Variants in SCHIP1 observed in about 807,000 individuals in gnomAD.
SCHIP1 encodes schwannomin interacting protein 1.
SCHIP1 carries 8 observed loss-of-function variants against 29.7 expected under a neutral mutation model. The ratio of observed to expected loss-of-function variants is 0.27; its 90% CI spans 0.16 to 0.49. The LOEUF is 0.49. Ranked by LOEUF, SCHIP1 falls within the 20% of genes least tolerant of loss-of-function variation. The pLI is 0.99. For synonymous variants in SCHIP1, 76 were observed against 94.9 expected (o/e 0.80, Z 1.16); for missense variants, 193 against 294.6 (o/e 0.66, Z 2.52).
chr3:159,748,707 A>G, the SCHIP1 span, among the ~76,000 whole-genome samples: 1 of 152,358 alleles, frequency 6.6e-6, no homozygotes, highest in East Asian at 1.9e-4. Context: ...TAATAGACTC[A>G]TTTCAAGTAT....
the SCHIP1 span, among the ~76,000 whole-genome samples, chr3:159,423,220 C>G: frequency 6.6e-6 from 1 of 152,216 alleles, no homozygotes; most frequent in Non-Finnish European, 1.5e-5. Flanking sequence ...TCAGTGGGTG[C>G]AGCGCACCAT....
chr3:159,593,003 C>T, the SCHIP1 span, among the ~76,000 whole-genome samples: 2 of 152,076 alleles, frequency 1.3e-5, no homozygotes, highest in Admixed American at 6.6e-5. Flanking sequence ...GAGGGAGGTC[C>T]AAATTCTATC....
chr3:159,800,787 C>T, the SCHIP1 span, among the ~76,000 whole-genome samples: 1 of 151,918 alleles, frequency 6.6e-6, no homozygotes, highest in African/African-American at 2.4e-5. Flanking sequence ...GCCTTTAATA[C>T]AATCCAGGCA....
chr3:159,604,701 A>G, the SCHIP1 span, among the ~76,000 whole-genome samples: 1 of 152,216 alleles, frequency 6.6e-6, no homozygotes, highest in African/African-American at 2.4e-5. Context: ...TCTAAACACA[A>G]TTTAAAGGTA....
At chr3:159,506,246 C>T in the SCHIP1 span, among the ~76,000 whole-genome samples, 2 of 152,114 alleles carry the variant, frequency 1.3e-5, no homozygotes, top group Middle Eastern at 3.2e-3. Flanking sequence ...TTTCATGTGT[C>T]TTTTGGCTGC....
chr3:159,532,253 A>C, the SCHIP1 span, among the ~76,000 whole-genome samples: 1 of 152,204 alleles, frequency 6.6e-6, no homozygotes, highest in Admixed American at 6.5e-5. Context: ...ATTGACATAA[A>C]TATAAAAATG....
At chr3:159,656,493 C>G in the SCHIP1 span, among the ~76,000 whole-genome samples, 1 of 152,104 alleles carries the variant, frequency 6.6e-6, no homozygotes, top group African/African-American at 2.4e-5. Context: ...TGGCAACTGA[C>G]TAATCTATTG....
the SCHIP1 span, among the ~76,000 whole-genome samples, chr3:159,627,580 CTAAGT>C: frequency 6.6e-6 from 1 of 151,270 alleles, no homozygotes; most frequent in African/African-American, 2.5e-5. Context: ...GGATTTGCAC[CTAAGT>C]CTATCTGGCA....
chr3:159,548,598 A>C, the SCHIP1 span, among the ~76,000 whole-genome samples: 2 of 151,470 alleles, frequency 1.3e-5, no homozygotes, highest in Non-Finnish European at 2.9e-5. Flanking sequence ...TTTATATTTA[A>C]TTTTTTTCTA....
the SCHIP1 span, among the ~76,000 whole-genome samples, chr3:159,337,879 G>T: frequency 2.2e-4 from 34 of 152,290 alleles, no homozygotes; most frequent in Admixed American, 2.0e-3. Flanking sequence ...ATTTCTCATT[G>T]TTAGTAATTA....
At chr3:159,597,276 A>G in the SCHIP1 span, among the ~76,000 whole-genome samples, 1 of 152,204 alleles carries the variant, frequency 6.6e-6, no homozygotes, top group Admixed American at 6.5e-5. Context: ...ATGTATATAT[A>G]ATATGTAATG....
the SCHIP1 span, among the ~76,000 whole-genome samples, chr3:159,333,957 G>A: frequency 6.6e-6 from 1 of 152,022 alleles, no homozygotes; most frequent in Non-Finnish European, 1.5e-5. Flanking sequence ...TCTCCCTGTT[G>A]AGCCAAAAAA....
the SCHIP1 span, among the ~76,000 whole-genome samples, chr3:159,635,575 G>A: frequency 1.3e-5 from 2 of 152,118 alleles, no homozygotes; most frequent in Non-Finnish European, 2.9e-5. Context: ...AGGTTCTTCT[G>A]TGTGACACCA....
the SCHIP1 span, among the ~76,000 whole-genome samples, chr3:159,619,612 G>T: frequency 6.6e-6 from 1 of 152,180 alleles, no homozygotes; most frequent in Non-Finnish European, 1.5e-5. Flanking sequence ...CCAAACAAAG[G>T]CTGCAGATTG....
the SCHIP1 span, among the ~76,000 whole-genome samples, chr3:159,397,449 GT>G: frequency 1.4e-4 from 21 of 152,110 alleles, no homozygotes; most frequent in African/African-American, 5.1e-4. Context: ...CATCTTTGTG[GT>G]TTTATCTACT....
chr3:159,297,730 T>A, the SCHIP1 span, among the ~76,000 whole-genome samples: 1 of 152,126 alleles, frequency 6.6e-6, no homozygotes, highest in Non-Finnish European at 1.5e-5. Flanking sequence ...GATTTGTAAG[T>A]TCCAATCAAC....
intron 1 of SCHIP1, among the ~76,000 whole-genome samples, chr3:159,849,359 C>G (rs1393716639): frequency 1.3e-5 from 2 of 152,108 alleles, no homozygotes; most frequent in Admixed American, 1.3e-4. Flanking sequence ...TACTAGTAAT[C>G]AGGCATATCA....
chr3:159,456,613 G>A, the SCHIP1 span, among the ~76,000 whole-genome samples: 1 of 152,268 alleles, frequency 6.6e-6, no homozygotes, highest in African/African-American at 2.4e-5. Context: ...GGGACAGAAG[G>A]AAGAGGGCGG....
the SCHIP1 span, among the ~76,000 whole-genome samples, chr3:159,626,211 T>G: frequency 7.2e-4 from 83 of 114,638 alleles, 2 homozygotes; most frequent in South Asian, 2.3e-3. Flanking sequence ...TAGATAGATA[T>G]ATCTAGATAT....
Sources: allele counts gnomAD v4.1 joint callset (sites outside exome capture counted in the v4.1 genomes callset), GRCh38; gene constraint gnomAD v4.1.1; transcripts MANE v1.5; gene names NCBI Gene and HGNC (gene_info 2026-07-23, HGNC 2026-07-21).